ABI3: variants seen among roughly 807,000 people sequenced by gnomAD.
ABI3 encodes ABI gene family member 3.
In ABI3, 24 loss-of-function variants were observed where a neutral mutation model predicts 37.0. The observed-to-expected ratio is 0.65, with a 90% CI of 0.47 to 0.91. ABI3 has a LOEUF of 0.91. Ranked by LOEUF, ABI3 falls within the 40% of genes least tolerant of loss-of-function variation. The pLI is 0.00. For synonymous variants in ABI3, 220 were observed against 211.8 expected, an observed-to-expected ratio of 1.04 and a Z score of -0.34; for missense variants, 481 against 485.1, an observed-to-expected ratio of 0.99 and a Z score of 0.08.
intron 1 of ABI3, among the ~76,000 whole-genome samples, chr17:49,215,331 C>T (rs59094683): frequency 0.086 from 13,131 of 152,092 alleles, 831 homozygotes; most frequent in East Asian, 0.2. Context: ...CCTGGAGGGG[C>T]TGTACGTAGG....
Position 49,223,028 on chromosome 17 carries a change from CAG to C in ABI3, c.*317_*318del. ...CAGATGATGTCCTGTGACTGCCCCA[CAG>C]AGATAAGGGGCCAGGAGGGATTGAA... On this transcript the variant is annotated 3_prime_UTR_variant, in exon 8 of 8. Coordinates refer to ENST00000225941, the MANE Select transcript of ABI3 (RefSeq NM_016428.3). The C allele has an allele frequency of 2.0e-6, 1 of 488,556 alleles. No homozygotes were observed. The highest frequency in any genetic ancestry group is 5.3e-4 in the Middle Eastern group (1 of 1,904). The allele number at this position is 488,556 out of a possible 1,614,324, so 30.3% of individuals were successfully genotyped here. A position where few individuals can be genotyped will look rare whatever the true frequency, so the allele number is the denominator to read the frequency against.
chr17:49,219,045 C>T lies in ABI3; in HGVS notation c.463-495C>T, dbSNP rs1460533734. Among the ~76,000 whole-genome samples, 1 of 152,166 alleles carries T rather than the reference C, an allele frequency of 6.6e-6. No homozygotes were observed. Among genetic ancestry groups the T allele is most frequent in the Non-Finnish European group, 1.5e-5 (1 of 68,030 alleles). On this transcript the variant is annotated intron_variant, in intron 3 of 7. Transcript: ENST00000225941. The surrounding 1 kb of genome is among the most constrained non-coding windows in gnomAD (Gnocchi z 4.3). The stretch of plus-strand genomic sequence containing the variant: ...ACAGCAGTTCCCTCTTTCATGTAGG[C>T]GTGCACCCTGTCATTTGCGCATCCC...
rs750746604 is a variant in ABI3, at chr17:49,216,689, G to A, written c.276G>A (p.Thr92=). 8.9e-6 allele frequency: 14 copies of A among 1,565,076 alleles called. No homozygotes were observed. The East Asian group carries it at 1.4e-4, about 16-fold the overall frequency. ...ALRQVEARVS[T]LGQMVNMHME... ...GGCAGGTGGAAGCCCGTGTAAGCAC[G>A]CTGGGCCAGGTAAGGGGCGTGGGGC... The change falls in exon 2 of 8, where the codon ACG becomes ACA. Residue 92 remains threonine (T), a synonymous_variant. Transcript: ENST00000225941.
chr17:49,211,758 C>T (rs766650159), intron 1 of ABI3, among the ~76,000 whole-genome samples: 4 of 151,988 alleles, frequency 2.6e-5, no homozygotes, highest in Non-Finnish European at 4.4e-5. Flanking sequence ...AATTCTCCTG[C>T]CTCAGCCTCC....
chr17:49,213,165 G>A (rs190215014), intron 1 of ABI3, among the ~76,000 whole-genome samples: 13 of 152,314 alleles, frequency 8.5e-5, no homozygotes, highest in Admixed American at 2.0e-4. Flanking sequence ...AGCCCCTTCA[G>A]AAGAGCAGGA....
At chr17:49,220,461 GA>G (rs1391597465) in intron 6 of ABI3, 135 bp downstream of exon 6, 97 of 1,162,284 alleles carry the variant, frequency 8.3e-5, no homozygotes, top group Non-Finnish European at 1.1e-4. Flanking sequence ...GCACAGGGGC[GA>G]AAGGAGACAG....
intron 6 of ABI3, among the ~76,000 whole-genome samples, chr17:49,221,197 G>A (rs2043283301): frequency 6.6e-6 from 1 of 151,520 alleles, no homozygotes; most frequent in African/African-American, 2.4e-5. Context: ...AAGGCCGGGT[G>A]TGGTGGCTCA....
intron 6 of ABI3, 84 bp downstream of exon 6, chr17:49,220,410 G>A: frequency 6.8e-7 from 1 of 1,474,820 alleles, no homozygotes; most frequent in Non-Finnish European, 9.1e-7. Context: ...TCTTGGATCT[G>A]CCCCGGCCAG....
intron 2 of ABI3, 140 bp from the exon 3 acceptor site, chr17:49,217,599 G>A (rs973577478): frequency 2.9e-5 from 20 of 689,510 alleles, no homozygotes; most frequent in African/African-American, 2.1e-4. Flanking sequence ...GGTGGGGGGC[G>A]GGGGGCGGGG....
Position 49,217,828 on chromosome 17 carries a change from C to T in ABI3, c.375C>T (p.Ile125=), listed in dbSNP as rs748149316. 3.7e-6 allele frequency: 6 copies of T among 1,610,654 alleles called. No individual in the cohort carries two copies. The highest frequency in any genetic ancestry group is 3.4e-5 in the Admixed American group (2 of 59,544). Residue 125 remains isoleucine (I), a synonymous_variant, in exon 3 of 8, where the codon ATC becomes ATT. Transcript: ENST00000225941. ...GGCTGCCCCCCGGCCAGAAGGTCAT[C>T]GCCCCAGAGAACCTACCCCCTCTCA... The part of the protein sequence containing the change: ...VQRLPPGQKV[I]APENLPPLTP...
In ABI3 at chr17:49,210,855, GC is replaced by G; in HGVS notation, c.117+15del. ...AACTATGTGCAGGTAGGTAGAGCGG[GC>G]GGAAGCCTGACACCCCAGCCCCCGG... On this transcript the variant is annotated intron_variant, in intron 1 of 7. Transcript: ENST00000225941. This position sits in a 1 kb window ranked among gnomAD's most constrained non-coding sequence, Gnocchi z 4.2. 1 of 1,540,968 alleles carries G rather than the reference GC, an allele frequency of 6.5e-7. No homozygotes were observed. The highest frequency in any genetic ancestry group is 8.8e-7 in the Non-Finnish European group (1 of 1,137,610).
At chr17:49,215,337 G>C (rs988152384) in intron 1 of ABI3, among the ~76,000 whole-genome samples, 1 of 152,186 alleles carries the variant, frequency 6.6e-6, no homozygotes, top group Non-Finnish European at 1.5e-5. Flanking sequence ...GGGGCTGTAC[G>C]TAGGCCACGG....
rs189743410 is a variant in ABI3 at position 49,215,893 on chromosome 17, C to T, written c.118-638C>T. Among the ~76,000 whole-genome samples, 102 of 149,534 alleles carry T rather than the reference C, an allele frequency of 6.8e-4. 1 individual carries two copies. The East Asian group carries it at 0.02, about 29-fold the overall frequency. On this transcript the variant is annotated intron_variant, in intron 1 of 7. Coordinates refer to ENST00000225941, the MANE Select transcript of ABI3 (RefSeq NM_016428.3). The stretch of plus-strand genomic sequence containing the variant: ...CTGAGGCAGGCAAATCACCTGAGGT[C>T]GGGAGTTTGAGACCAGCCTGACTAA...
At chr17:49,222,486 G>T in intron 7 of ABI3, 66 bp from the exon 8 acceptor site, 1 of 1,557,422 alleles carries the variant, frequency 6.4e-7, no homozygotes, top group Non-Finnish European at 8.8e-7. Context: ...TCCCCATGGT[G>T]GTGGGGGGTG....
chr17:49,219,837 C>CCACTCCCT lies in ABI3; in HGVS notation c.549-20_549-13dup, dbSNP rs1176911489. ...AAGCCTTCCTCCTTCCTCCTAATAC[C>CCACTCCCT]CACTCCCTGCCCCCCGCCAGGAGAC... is the stretch of plus-strand genomic sequence containing the variant. On this transcript the variant is annotated intron_variant, in intron 4 of 7. Coordinates refer to ENST00000225941, the MANE Select transcript of ABI3 (RefSeq NM_016428.3). The surrounding 1 kb of genome is among the most constrained non-coding windows in gnomAD (Gnocchi z 4.3). 1 of 1,538,174 alleles carries CCACTCCCT rather than the reference C, an allele frequency of 6.5e-7. No individual in the cohort carries two copies. Among genetic ancestry groups the CCACTCCCT allele is most frequent in the Non-Finnish European group, 8.7e-7 (1 of 1,146,272 alleles).
In ABI3 at chr17:49,222,227, T is replaced by C. The variant is rs933349302; in HGVS notation, c.937+2T>C. 1.2e-6 allele frequency: 2 copies of C among 1,612,396 alleles called. No individual in the cohort carries two copies. Among genetic ancestry groups the C allele is most frequent in the Non-Finnish European group, 1.7e-6 (2 of 1,179,250 alleles). ...TGCCTGCCTCATACTTGGAGAAAGG[T>C]ACCTGACTTCTGGGACTGAGGGGCA... On this transcript the variant is annotated splice_donor_variant, in intron 7 of 7. Coordinates refer to ENST00000225941, the MANE Select transcript of ABI3 (RefSeq NM_016428.3). LOFTEE classifies it high-confidence loss of function.
chr17:49,220,616 G>A (rs1302173685), intron 6 of ABI3, among the ~76,000 whole-genome samples: 2 of 152,070 alleles, frequency 1.3e-5, no homozygotes, highest in Admixed American at 1.3e-4. Context: ...TGGCCGAGGC[G>A]CGCGGATCAC....
chr17:49,217,771 A>G lies in ABI3; in HGVS notation c.318A>G (p.Arg106=). 3.7e-6 allele frequency: 6 copies of G among 1,610,952 alleles called. No individual in the cohort carries two copies. The highest frequency in any genetic ancestry group is 5.1e-6 in the Non-Finnish European group (6 of 1,178,636). ...MVNMHMEKVA[R]REIGTLATVQ... is the part of the protein sequence containing the mutation. ...ACATGCATATGGAGAAGGTGGCCCG[A>G]AGGGAGATCGGCACCTTAGCCACTG... The change falls in exon 3 of 8, where the codon CGA becomes CGG. Residue 106 remains arginine (R), a synonymous_variant. Transcript: ENST00000225941.
At chr17:49,215,252 G>C (rs895709326) in intron 1 of ABI3, among the ~76,000 whole-genome samples, 1 of 152,162 alleles carries the variant, frequency 6.6e-6, no homozygotes, top group African/African-American at 2.4e-5. Context: ...CTGAAGGGGA[G>C]TGTGTGAGAG....
Sources: allele counts gnomAD v4.1 joint callset (sites outside exome capture counted in the v4.1 genomes callset), GRCh38; gene constraint gnomAD v4.1.1; non-coding constraint Gnocchi (gnomAD v3.1); transcripts MANE v1.5; gene names NCBI Gene and HGNC (gene_info 2026-07-23, HGNC 2026-07-21).